ZNF280A: variants seen among roughly 807,000 people sequenced by gnomAD.
ZNF280A encodes zinc finger protein 280A.
ZNF280A carries 26 observed loss-of-function variants against 35.9 expected under a neutral mutation model. The ratio of observed to expected loss-of-function variants is 0.72; its 90% CI spans 0.53 to 1.01. The LOEUF is 1.01. Ranked by LOEUF, ZNF280A falls within the 50% of genes least tolerant of loss-of-function variation. ZNF280A has a pLI of 0.00. For missense variants in ZNF280A, 654 were observed against 652.0 expected, an observed-to-expected ratio of 1.00 and a Z score of -0.03; for synonymous variants, 231 against 232.9, an observed-to-expected ratio of 0.99 and a Z score of 0.07.
intron 1 of ZNF280A, among the ~76,000 whole-genome samples, chr22:22,516,297 GCACA>G (rs587603341): frequency 2.7e-5 from 4 of 149,130 alleles, no homozygotes; most frequent in Middle Eastern, 3.5e-3. Context: ...ACAAATCACA[GCACA>G]CACACACACA....
intron 1 of ZNF280A, among the ~76,000 whole-genome samples, chr22:22,519,392 C>T (rs984210751): frequency 6.6e-6 from 1 of 151,778 alleles, no homozygotes; most frequent in Non-Finnish European, 1.5e-5. Flanking sequence ...GAGATCGCAC[C>T]GTGGCACTCC....
rs940698652 is a variant in ZNF280A, at chr22:22,513,901, C to A, written c.*101G>T. 1 of 730,650 alleles carries A rather than the reference C, an allele frequency of 1.4e-6. No individual in the cohort carries two copies. Among genetic ancestry groups the A allele is most frequent in the Admixed American group, 2.4e-5 (1 of 41,054 alleles). The allele number at this position is 730,650 out of a possible 1,614,324, so 45.3% of individuals were successfully genotyped here. On this transcript the variant is annotated 3_prime_UTR_variant, in exon 2 of 2. Coordinates refer to ENST00000302097, the MANE Select transcript of ZNF280A (RefSeq NM_080740.5). ...GATGTCACTGTAAAAAACAACCTGA[C>A]AGTTGATGACATTGCTTGCTAGCAT...
rs774122915 is a variant in ZNF280A, at chr22:22,514,677, A to G, written c.954T>C (p.His318=). 8 of 1,613,822 alleles carry G rather than the reference A, an allele frequency of 5.0e-6. No individual in the cohort carries two copies. In the East Asian group the frequency reaches 1.8e-4, roughly 36 times the overall value. ...KNIKFMNHMK[H]HLEFEKQRND... ...TCCTCTGCTTCTCAAATTCCAAATG[A>G]TGCTTCATGTGATTCATAAACTTAA... Residue 318 remains histidine (H), a synonymous_variant, in exon 2 of 2, where the codon CAT becomes CAC. Transcript: ENST00000302097.
At chr22:22,519,602 A>G (rs1387563174) in intron 1 of ZNF280A, among the ~76,000 whole-genome samples, 2 of 152,000 alleles carry the variant, frequency 1.3e-5, no homozygotes, top group African/African-American at 2.4e-5. Flanking sequence ...AGCACTTTAC[A>G]GCTTCTTTTT....
Position 22,513,761 on chromosome 22 carries a change from T to A in ZNF280A, c.*241A>T. On this transcript the variant is annotated 3_prime_UTR_variant, in exon 2 of 2. Transcript: ENST00000302097. ...TTTGTGTGATTCCATTTATTTAAAG[T>A]TCATGAACAAGAAAAACCTCTGAGG... The A allele has an allele frequency of 2.3e-6, 1 of 439,468 alleles. No individual in the cohort carries two copies. The allele number at this position is 439,468 out of a possible 1,614,324, so 27.2% of individuals were successfully genotyped here.
chr22:22,514,096 T>C lies in ZNF280A; in HGVS notation c.1535A>G (p.Asn512Ser), dbSNP rs2062039720. Residue 512 changes from asparagine to serine, a missense_variant, in exon 2 of 2, where the codon AAC (asparagine) becomes AGC (serine). Coordinates refer to ENST00000302097, the MANE Select transcript of ZNF280A (RefSeq NM_080740.5). ...SSGMASVIVS[N>S]TDPQSSPVKT... ...TACAGGAGAAGACTGAGGGTCAGTG[T>C]TGCTAACAATAACGGAAGCCATACC... is the stretch of plus-strand genomic sequence containing the variant. 4 of 1,613,798 alleles carry C rather than the reference T, an allele frequency of 2.5e-6. No homozygotes were observed. The East Asian group carries it at 8.9e-5, about 36-fold the overall frequency.
chr22:22,515,197 G>A lies in ZNF280A; in HGVS notation c.434C>T (p.Thr145Ile). ...GACCATAGCTCCAACTAGACACTGAGTCCCTGGGGGGAGCGAGTCTGAGGA... is the reference window on the plus strand; with the variant it reads ...GACCATAGCTCCAACTAGACACTGAATCCCTGGGGGGAGCGAGTCTGAGGA... Reference protein sequence around the residue: ...PSSSDSLPPGTQCLVGAMVSG... With the variant: ...PSSSDSLPPGIQCLVGAMVSG... Residue 145 changes from threonine (T) to isoleucine (I), a missense_variant, in exon 2 of 2, where the codon ACT becomes ATT. Thr to Ile is a moderately conservative substitution (Grantham distance 89). Transcript: ENST00000302097. The A allele has an allele frequency of 6.2e-7, 1 of 1,613,904 alleles. No individual in the cohort carries two copies. Among genetic ancestry groups the A allele is most frequent in the Non-Finnish European group, 8.5e-7 (1 of 1,179,976 alleles).
rs150488237 is a variant in ZNF280A at position 22,517,211 on chromosome 22, A to G, written c.-71-1510T>C. Reference sequence around the variant, plus strand: ...TGCTTGAGGTCAGGAGCTCGAGACCAGCCTGGGCAACATAGCAAGACCCAT... The same window carrying G: ...TGCTTGAGGTCAGGAGCTCGAGACCGGCCTGGGCAACATAGCAAGACCCAT... On this transcript the variant is annotated intron_variant, in intron 1 of 1. Transcript: ENST00000302097. Among the ~76,000 whole-genome samples, 1,463 of 152,050 alleles carry G rather than the reference A, an allele frequency of 9.6e-3. 28 individuals carry two copies. The highest frequency in any genetic ancestry group is 0.034 in the African/African-American group (1,396 of 41,504).
Position 22,514,003 on chromosome 22 carries a change from CAGCT to C in ZNF280A, c.1624_1627del (p.Ser542GlufsTer6). On this transcript the variant is annotated frameshift_variant and stop_lost, in exon 2 of 2. Transcript: ENST00000302097. LOFTEE classifies it high-confidence loss of function. The stretch of plus-strand genomic sequence containing the variant: ...CCTGGAAGTCAGTCGAACATATTTT[CAGCT>C]AGAATCCTTGCTGCAAGGGAGTCTG... 6.6e-7 allele frequency: 1 copy of C among 1,515,250 alleles called. No individual in the cohort carries two copies. Among genetic ancestry groups the C allele is most frequent in the Non-Finnish European group, 9.0e-7 (1 of 1,106,708 alleles). The allele number at this position is 1,515,250 out of a possible 1,614,324, so 93.9% of individuals were successfully genotyped here.
In ZNF280A at chr22:22,513,827, A is replaced by G. The variant is rs1201455654; in HGVS notation, c.*175T>C. The G allele has an allele frequency of 3.7e-6, 2 of 546,664 alleles. No homozygotes were observed. Among genetic ancestry groups the G allele is most frequent in the Non-Finnish European group, 6.4e-6 (2 of 312,866 alleles). 33.9% of individuals were successfully genotyped at this position (546,664 alleles called of 1,614,324 possible). On this transcript the variant is annotated 3_prime_UTR_variant, in exon 2 of 2. Coordinates refer to ENST00000302097, the MANE Select transcript of ZNF280A (RefSeq NM_080740.5). ...CCCTGTTGGGAGCATTTGACTGGGAAAGGGCTCAAAGACTTTGGAGCTACT... is the reference window on the plus strand; with the variant it reads ...CCCTGTTGGGAGCATTTGACTGGGAGAGGGCTCAAAGACTTTGGAGCTACT...
At chr22:22,515,788 T>A (rs1010678506) in intron 1 of ZNF280A, 87 bp from the exon 2 acceptor site, 10 of 1,177,908 alleles carry the variant, frequency 8.5e-6, no homozygotes, top group Non-Finnish European at 1.1e-5. Context: ...AACACTGAGA[T>A]AACCATCAAC....
In ZNF280A at chr22:22,514,975, T is replaced by C. The variant is rs1379588375; in HGVS notation, c.656A>G (p.His219Arg). 1.2e-6 allele frequency: 2 copies of C among 1,613,778 alleles called. No homozygotes were observed. The highest frequency in any genetic ancestry group is 1.7e-6 in the Non-Finnish European group (2 of 1,179,986). ...PSQGICNSSNHVQNGVTFPWP... is the reference protein window; with the variant it reads ...PSQGICNSSNRVQNGVTFPWP... ...AGGAAATGTTACTCCATTCTGAACA[T>C]GGTTTGATGAGTTGCAGATCCCCTG... Residue 219 changes from histidine to arginine, a missense_variant, in exon 2 of 2, where the codon CAT becomes CGT. By Grantham distance (29) the His-to-Arg change is conservative. Transcript: ENST00000302097.
rs548642278 is a variant in ZNF280A at position 22,514,115 on chromosome 22, C to G, written c.1516G>C (p.Ala506Pro). The G allele has an allele frequency of 1.2e-6, 2 of 1,613,896 alleles. No homozygotes were observed. The highest frequency in any genetic ancestry group is 4.5e-5 in the East Asian group (2 of 44,808). ...TSVQPGSSGM[A>P]SVIVSNTDPQ... The stretch of plus-strand genomic sequence containing the variant: ...TCAGTGTTGCTAACAATAACGGAAG[C>G]CATACCACTTGATCCTGGCTGAACT... Residue 506 changes from alanine (A) to proline (P), a missense_variant, in exon 2 of 2, where the codon GCT (alanine) becomes CCT (proline). Ala to Pro is a conservative substitution (Grantham distance 27). Transcript: ENST00000302097.
At position 22,514,526 on chromosome 22, in the gene ZNF280A, A is replaced by T; in HGVS notation, c.1105T>A (p.Cys369Ser). The T allele has an allele frequency of 1.2e-6, 2 of 1,613,948 alleles. 1 individual carries two copies. Among genetic ancestry groups the T allele is most frequent in the South Asian group, 2.2e-5 (2 of 91,076 alleles). ...TGATCTGTTTCAAATGACAATTCAC[A>T]GATTTTACAGACAGCAGAGGGCCCC... ...AMGPSAVCKI[C>S]ELSFETDQVL... Residue 369 changes from cysteine to serine, a missense_variant, in exon 2 of 2, where the codon TGT (cysteine) becomes AGT (serine). Physicochemically the swap from Cys to Ser is moderately radical, Grantham distance 112. Coordinates refer to ENST00000302097, the MANE Select transcript of ZNF280A (RefSeq NM_080740.5).
chr22:22,513,987 C>A lies in ZNF280A; in HGVS notation c.*15G>T. ...TCTGCCTTTCGGAACTCCTGGAAGT[C>A]AGTCGAACATATTTTCAGCTAGAAT... is the stretch of plus-strand genomic sequence containing the variant. On this transcript the variant is annotated 3_prime_UTR_variant, in exon 2 of 2. Transcript: ENST00000302097. 1 of 1,429,288 alleles carries A rather than the reference C, an allele frequency of 7.0e-7. No individual in the cohort carries two copies. Among genetic ancestry groups the A allele is most frequent in the South Asian group, 1.2e-5 (1 of 80,318 alleles). The allele number at this position is 1,429,288 out of a possible 1,614,324, so 88.5% of individuals were successfully genotyped here.
chr22:22,514,006 C>G lies in ZNF280A; in HGVS notation c.1625G>C (p.Ser542Thr). 6.5e-7 allele frequency: 1 copy of G among 1,532,866 alleles called. No homozygotes were observed. The highest frequency in any genetic ancestry group is 8.9e-7 in the Non-Finnish European group (1 of 1,120,646). 95.0% of individuals were successfully genotyped at this position (1,532,866 alleles called of 1,614,324 possible). Reference protein sequence around the residue: ...DSRLPCSKDSS With the variant: ...DSRLPCSKDST The stretch of plus-strand genomic sequence containing the variant: ...GGAAGTCAGTCGAACATATTTTCAG[C>G]TAGAATCCTTGCTGCAAGGGAGTCT... The change falls in exon 2 of 2, where the codon AGC (serine) becomes ACC (threonine). Residue 542 changes from serine to threonine, a missense_variant. Coordinates refer to ENST00000302097, the MANE Select transcript of ZNF280A (RefSeq NM_080740.5).
At chr22:22,519,734 C>T (rs984883520) in intron 1 of ZNF280A, among the ~76,000 whole-genome samples, 4 of 151,856 alleles carry the variant, frequency 2.6e-5, no homozygotes, top group South Asian at 2.1e-4. Flanking sequence ...TAACTGCGAC[C>T]GCTCCTAAGT....
At chr22:22,519,259 C>T (rs951460789) in intron 1 of ZNF280A, among the ~76,000 whole-genome samples, 6 of 151,568 alleles carry the variant, frequency 4.0e-5, no homozygotes, top group African/African-American at 9.7e-5. Flanking sequence ...CATGGTGAAA[C>T]CCATCTCTAC....
In ZNF280A at chr22:22,514,698, C is replaced by G; in HGVS notation, c.933G>C (p.Lys311Asn). ...AATGATGCTTCATGTGATTCATAAA[C>G]TTAATATTTTTTAGAACTTTCACGC... ...LSCVKVLKNI[K>N]FMNHMKHHLE... The change falls in exon 2 of 2, where the codon AAG (lysine) becomes AAC (asparagine). Residue 311 changes from lysine (K) to asparagine (N), a missense_variant. Physicochemically the swap from Lys to Asn is moderately conservative, Grantham distance 94. Transcript: ENST00000302097. The G allele has an allele frequency of 6.2e-7, 1 of 1,613,920 alleles. No homozygotes were observed. Among genetic ancestry groups the G allele is most frequent in the Non-Finnish European group, 8.5e-7 (1 of 1,179,978 alleles).
Sources: gnomAD v4.1 joint callset for allele counts (sites outside exome capture counted in the v4.1 genomes callset) on GRCh38, gnomAD v4.1.1 for gene constraint, MANE v1.5 for transcripts, NCBI Gene and HGNC (gene_info 2026-07-23, HGNC 2026-07-21) for gene names.